PRKCE: variants seen among roughly 807,000 people sequenced by gnomAD.
PRKCE encodes protein kinase C epsilon type.
A neutral mutation model predicts 85.4 loss-of-function variants in PRKCE; 16 were observed. That is an observed-to-expected ratio of 0.19 (90% confidence interval 0.13 to 0.28). PRKCE has a LOEUF of 0.28. PRKCE is among the 10% of genes least tolerant of loss of function. The pLI, the probability that PRKCE is intolerant of heterozygous loss-of-function variation, is 1.00. For missense variants in PRKCE, 573 were observed against 975.2 expected (o/e 0.59, Z 5.49); for synonymous variants, 388 against 371.5 (o/e 1.04, Z -0.51).
At chr2:45,990,426 A>C (rs1703695643) in intron 6 of PRKCE, among the ~76,000 whole-genome samples, 1 of 152,308 alleles carries the variant, frequency 6.6e-6, no homozygotes, top group African/African-American at 2.4e-5. Context: ...GAGTTACATA[A>C]AAGCATGAAC....
At chr2:45,928,229 A>G (rs1239071324) in intron 2 of PRKCE, among the ~76,000 whole-genome samples, 1 of 152,212 alleles carries the variant, frequency 6.6e-6, no homozygotes, top group African/African-American at 2.4e-5. Context: ...CCATGGGTAT[A>G]GTTCAGACTC....
At chr2:46,008,499 C>A (rs1404368688) in intron 9 of PRKCE, among the ~76,000 whole-genome samples, 1 of 152,106 alleles carries the variant, frequency 6.6e-6, no homozygotes, top group South Asian at 2.1e-4. Context: ...TTTCTGGGAC[C>A]CCCTGAGAAG....
intron 2 of PRKCE, among the ~76,000 whole-genome samples, chr2:45,930,534 T>A (rs2104037752): frequency 6.6e-6 from 1 of 152,312 alleles, no homozygotes; most frequent in South Asian, 2.1e-4. Context: ...CACAGGCAAC[T>A]CCAAGGAGGG....
chr2:46,007,176 G>A (rs2104773706), intron 8 of PRKCE, among the ~76,000 whole-genome samples: 1 of 152,334 alleles, frequency 6.6e-6, no homozygotes, highest in East Asian at 1.9e-4. Context: ...AGCCAAAGGG[G>A]GCTTTCAGAG....
chr2:45,884,995 A>ATTTTTTTTT (rs1210402363), intron 2 of PRKCE, among the ~76,000 whole-genome samples: 45 of 70,242 alleles, frequency 6.4e-4, no homozygotes, highest in East Asian at 3.6e-3. Context: ...ATATATATAT[A>ATTTTTTTTT]TATATATTTG....
chr2:46,171,477 G>C (rs1678888454), intron 14 of PRKCE, among the ~76,000 whole-genome samples: 1 of 152,246 alleles, frequency 6.6e-6, no homozygotes, highest in Non-Finnish European at 1.5e-5. Context: ...TCTTTGTGCA[G>C]ATGGCTGCAT....
intron 6 of PRKCE, among the ~76,000 whole-genome samples, chr2:45,985,885 T>G (rs1317253956): frequency 6.6e-6 from 1 of 152,160 alleles, no homozygotes; most frequent in African/African-American, 2.4e-5. Flanking sequence ...TCACTGACAG[T>G]TGGGGAATAG....
intron 11 of PRKCE, among the ~76,000 whole-genome samples, chr2:46,140,992 T>C (rs1013152639): frequency 7.9e-5 from 12 of 152,194 alleles, no homozygotes; most frequent in African/African-American, 2.4e-5. Context: ...CTTGATAATA[T>C]ACCATGTTGG....
intron 11 of PRKCE, among the ~76,000 whole-genome samples, chr2:46,107,530 A>G (rs1671843555): frequency 1.3e-5 from 2 of 152,342 alleles, no homozygotes; most frequent in Non-Finnish European, 2.9e-5. Context: ...ACTCACATGC[A>G]GATTCTGGGG....
intron 1 of PRKCE, among the ~76,000 whole-genome samples, chr2:45,764,019 A>G (rs1684720189): frequency 6.6e-6 from 1 of 152,196 alleles, no homozygotes; most frequent in South Asian, 2.1e-4. Context: ...AGTATCAACC[A>G]CAGAATCTCA....
intron 1 of PRKCE, among the ~76,000 whole-genome samples, chr2:45,770,530 G>A (rs540903593): frequency 6.6e-6 from 1 of 152,276 alleles, no homozygotes; most frequent in East Asian, 1.9e-4. Context: ...CTGAATGTTG[G>A]TTGAGCGTCC....
intron 14 of PRKCE, among the ~76,000 whole-genome samples, chr2:46,162,766 A>G (rs1677909452): frequency 6.6e-6 from 1 of 152,184 alleles, no homozygotes. Flanking sequence ...GACATTTACA[A>G]CCTTGGCACT....
chr2:45,831,725 C>G (rs750087063), intron 1 of PRKCE, among the ~76,000 whole-genome samples: 1 of 152,082 alleles, frequency 6.6e-6, no homozygotes, highest in African/African-American at 2.4e-5. Flanking sequence ...GCAGCAGTGA[C>G]CACCAGAGAA....
rs1009102350 is a variant in PRKCE at position 45,697,154 on chromosome 2, G to A, written c.348+44706G>A. Among the ~76,000 whole-genome samples the A allele has an allele frequency of 6.6e-6, 1 of 152,192 alleles. No individual in the cohort carries two copies. Among genetic ancestry groups the A allele is most frequent in the Non-Finnish European group, 1.5e-5 (1 of 68,036 alleles). On this transcript the variant is annotated intron_variant, in intron 1 of 14. Coordinates refer to ENST00000306156, the MANE Select transcript of PRKCE (RefSeq NM_005400.3). The surrounding 1 kb of genome is among the most constrained non-coding windows in gnomAD (Gnocchi z 4.2). ...TTAGGAACATGCCTCCAAATAAGATGAAATGCTCTAGTGTAGCTGACAGTG... is the reference window on the plus strand; with the variant it reads ...TTAGGAACATGCCTCCAAATAAGATAAAATGCTCTAGTGTAGCTGACAGTG...
chr2:45,910,716 T>C (rs1180036718), intron 2 of PRKCE, among the ~76,000 whole-genome samples: 1 of 152,026 alleles, frequency 6.6e-6, no homozygotes. Context: ...TCCTACCTAT[T>C]GGAGGTAGGC....
intron 2 of PRKCE, among the ~76,000 whole-genome samples, chr2:45,884,954 C>CATATATATATAT (rs745477412): frequency 1.3e-4 from 5 of 37,560 alleles, no homozygotes; most frequent in African/African-American, 2.6e-4. Flanking sequence ...ATATGTGATC[C>CATATATATATAT]ATATATATAT....
In PRKCE at chr2:46,155,724, T is replaced by TC. The variant is rs1677129523; in HGVS notation, c.1921-3878dup. On this transcript the variant is annotated intron_variant, in intron 13 of 14. Transcript: ENST00000306156. This position sits in a 1 kb window ranked among gnomAD's most constrained non-coding sequence, Gnocchi z 4.7. ...CCAGAAATGGGGTGCAATCCCTCTC[T>TC]CCCCATCACAGCTAGTCATCAAGTC... is the stretch of plus-strand genomic sequence containing the variant. Among the ~76,000 whole-genome samples the TC allele has an allele frequency of 6.6e-6, 1 of 152,100 alleles. No individual in the cohort carries two copies. Among genetic ancestry groups the TC allele is most frequent in the East Asian group, 1.9e-4 (1 of 5,190 alleles).
At chr2:45,788,718 A>G (rs1686809734) in intron 1 of PRKCE, among the ~76,000 whole-genome samples, 1 of 152,360 alleles carries the variant, frequency 6.6e-6, no homozygotes, top group South Asian at 2.1e-4. Context: ...ACATTATAAC[A>G]TCAAATCTAA....
chr2:46,079,670 A>G (rs989914917), intron 10 of PRKCE, among the ~76,000 whole-genome samples: 3 of 152,206 alleles, frequency 2.0e-5, no homozygotes, highest in African/African-American at 7.2e-5. Context: ...TCGATGTAAG[A>G]GCTATAAAAT....
Sources: allele counts gnomAD v4.1 joint callset (sites outside exome capture counted in the v4.1 genomes callset), GRCh38; gene constraint gnomAD v4.1.1; non-coding constraint Gnocchi (gnomAD v3.1); transcripts MANE v1.5; gene names NCBI Gene and HGNC (gene_info 2026-07-23, HGNC 2026-07-21).